Variants in ERMP1 observed in about 807,000 individuals in gnomAD.
ERMP1 encodes Felix-ina.
ERMP1 carries 86 observed loss-of-function variants against 92.0 expected under a neutral mutation model. That is an observed-to-expected ratio of 0.93 (90% CI 0.79 to 1.12). ERMP1 has a LOEUF of 1.12. Among genes scored for constraint, ERMP1 ranks in the 50% most tolerant of loss-of-function variants. ERMP1 has a pLI of 0.00. For synonymous variants in ERMP1, 530 were observed against 412.8 expected, an observed-to-expected ratio of 1.28 and a Z score of -3.44; for missense variants, 1,342 against 1,116.3, an observed-to-expected ratio of 1.20 and a Z score of -2.88.
chr9:5,800,887 A>C (rs536076672), intron 11 of ERMP1, among the ~76,000 whole-genome samples: 1 of 152,238 alleles, frequency 6.6e-6, no homozygotes, highest in East Asian at 1.9e-4. Flanking sequence ...TCATTATTCC[A>C]TAATAAATAT....
intron 10 of ERMP1, among the ~76,000 whole-genome samples, chr9:5,803,565 C>A (rs529585751): frequency 3.8e-4 from 58 of 152,046 alleles, no homozygotes; most frequent in Non-Finnish European, 7.2e-4. Flanking sequence ...AGCTCCCATT[C>A]ATGACTATAA....
At chr9:5,812,027 C>T in intron 6 of ERMP1, 98 bp downstream of exon 6, 3 of 729,576 alleles carry the variant, frequency 4.1e-6, no homozygotes, top group South Asian at 4.0e-5. Flanking sequence ...TTGCATACTG[C>T]CTCTCTAATG....
intron 6 of ERMP1, among the ~76,000 whole-genome samples, chr9:5,840,533 C>A (rs1012293332): frequency 6.6e-6 from 1 of 152,220 alleles, no homozygotes; most frequent in African/African-American, 2.4e-5. Flanking sequence ...TGCCCCTCCC[C>A]GGCCCCCAGG....
chr9:5,795,505 C>T (rs554458662), intron 13 of ERMP1, among the ~76,000 whole-genome samples: 21 of 152,290 alleles, frequency 1.4e-4, no homozygotes, highest in South Asian at 2.1e-4. Flanking sequence ...ATAGGCTGGG[C>T]GCGGTGGCTC....
intron 2 of ERMP1, among the ~76,000 whole-genome samples, chr9:5,826,372 G>A (rs2129660250): frequency 6.6e-6 from 1 of 152,324 alleles, no homozygotes; most frequent in Admixed American, 6.5e-5. Flanking sequence ...TTTGAGCTCT[G>A]TCACTTTACT....
At chr9:5,802,969 G>A (rs1443005200) in intron 10 of ERMP1, among the ~76,000 whole-genome samples, 4 of 152,090 alleles carry the variant, frequency 2.6e-5, no homozygotes, top group Non-Finnish European at 5.9e-5. Context: ...GGAGGCGGTG[G>A]TTGCAGGGAG....
chr9:5,814,501 A>C (rs983143295), intron 4 of ERMP1, among the ~76,000 whole-genome samples: 2 of 152,170 alleles, frequency 1.3e-5, no homozygotes, highest in South Asian at 2.1e-4. Context: ...CCAGCACTTT[A>C]GGAGGCCGAG....
chr9:5,814,559 A>T (rs1829230027), intron 4 of ERMP1, among the ~76,000 whole-genome samples: 1 of 152,134 alleles, frequency 6.6e-6, no homozygotes, highest in Non-Finnish European at 1.5e-5. Context: ...CCTGGCCAAC[A>T]TGGCAAAACC....
upstream of ERMP1, chr9:5,833,198 A>C (rs1830030483): frequency 3.3e-6 from 2 of 601,362 alleles, no homozygotes; most frequent in Non-Finnish European, 5.3e-6. Context: ...CTTCTTTGGC[A>C]GTTCTCGGGT....
intron 11 of ERMP1, among the ~76,000 whole-genome samples, chr9:5,799,816 G>A (rs1366370510): frequency 6.6e-6 from 1 of 152,070 alleles, no homozygotes; most frequent in East Asian, 1.9e-4. Context: ...TAAAAATCCT[G>A]CTTTTCCTAA....
intron 5 of ERMP1, among the ~76,000 whole-genome samples, chr9:5,862,566 T>TA (rs1292713719): frequency 1.3e-5 from 2 of 152,184 alleles, no homozygotes; most frequent in Non-Finnish European, 2.9e-5. Context: ...AGGCTGGTCT[T>TA]AAAGTCCTGG....
intron 4 of ERMP1, among the ~76,000 whole-genome samples, chr9:5,815,261 C>G (rs1829256463): frequency 6.6e-6 from 1 of 151,992 alleles, no homozygotes; most frequent in Non-Finnish European, 1.5e-5. Flanking sequence ...CAAAAGAAAC[C>G]AAGCCTCCTT....
upstream of ERMP1, among the ~76,000 whole-genome samples, chr9:5,835,029 G>C (rs1830075365): frequency 6.9e-6 from 1 of 145,344 alleles, no homozygotes; most frequent in Non-Finnish European, 1.5e-5. Flanking sequence ...GTGTGTGAAA[G>C]ATCCTCACAT....
At chr9:5,791,574 T>A (rs1377495276) in intron 13 of ERMP1, among the ~76,000 whole-genome samples, 1 of 151,998 alleles carries the variant, frequency 6.6e-6, no homozygotes, top group Non-Finnish European at 1.5e-5. Flanking sequence ...AAAAAGACAT[T>A]AGAAAGGGAG....
rs536510738 is a variant in ERMP1, at chr9:5,849,236, G to T, written n.3199+10232C>A. Among the ~76,000 whole-genome samples, 3 of 152,116 alleles carry T rather than the reference G, an allele frequency of 2.0e-5. No homozygotes were observed. In the East Asian group the frequency reaches 5.8e-4, roughly 29 times the overall value. On this transcript the variant is annotated intron_variant and non_coding_transcript_variant, in intron 6 of 6. Transcript: ENST00000690753. ...CAGGGTTTCACCATGTTGGCCAGGA[G>T]GGTCTCAATCTCTTGACCTCGTGAT...
At chr9:5,801,664 T>C (rs1828677956) in intron 10 of ERMP1, among the ~76,000 whole-genome samples, 1 of 152,222 alleles carries the variant, frequency 6.6e-6, no homozygotes, top group African/African-American at 2.4e-5. Flanking sequence ...TAATGGATTA[T>C]TCATTAAATA....
chr9:5,840,518 C>G (rs558599378), intron 6 of ERMP1, among the ~76,000 whole-genome samples: 1 of 152,338 alleles, frequency 6.6e-6, no homozygotes, highest in East Asian at 1.9e-4. Flanking sequence ...CCTACCCATG[C>G]CCACTGCCCC....
intron 6 of ERMP1, among the ~76,000 whole-genome samples, chr9:5,849,013 T>C (rs1243871320): frequency 6.6e-6 from 1 of 152,064 alleles, no homozygotes; most frequent in Non-Finnish European, 1.5e-5. Context: ...TTTTTATTTT[T>C]ATTTATATTT....
In ERMP1 at chr9:5,805,722, A is replaced by G. The variant is rs148859023; in HGVS notation, c.1612T>C (p.Phe538Leu). 44 of 1,613,310 alleles carry G rather than the reference A, an allele frequency of 2.7e-5. No individual in the cohort carries two copies. The highest frequency in any genetic ancestry group is 3.5e-5 in the Non-Finnish European group (41 of 1,179,764). The stretch of plus-strand genomic sequence containing the variant: ...CCTTGGTAAGTGAGGGTAACAAGAA[A>G]ACAGCAATGGACAAACAGCGAAATG... ...FDISLFVHCCFLVTLTYQGLC... is the reference protein window; with the variant it reads ...FDISLFVHCCLLVTLTYQGLC... The change falls in exon 9 of 15, where the codon TTT (phenylalanine) becomes CTT (leucine). Residue 538 changes from phenylalanine to leucine, a missense_variant. Phe to Leu is a conservative substitution (Grantham distance 22). Transcript: ENST00000339450.
Sources: gnomAD v4.1 joint callset for allele counts (sites outside exome capture counted in the v4.1 genomes callset) on GRCh38, gnomAD v4.1.1 for gene constraint, MANE v1.5 for transcripts, NCBI Gene and HGNC (gene_info 2026-07-23, HGNC 2026-07-21) for gene names.